Variants in ANKS1B observed in about 807,000 individuals in gnomAD.
ANKS1B encodes ankyrin repeat and sterile alpha motif domain containing 1B, also known as ankyrin repeat and sterile alpha motif domain-containing protein 1B.
ANKS1B carries 36 observed loss-of-function variants against 148.3 expected under a neutral mutation model. That is an observed-to-expected ratio of 0.24 (90% CI 0.19 to 0.32). The LOEUF is 0.32. Ranked by LOEUF, ANKS1B falls within the 10% of genes least tolerant of loss-of-function variation. The probability of loss-of-function intolerance (pLI) is 1.00; values close to 1 mark genes in which losing one functional copy is unlikely to be tolerated. For synonymous variants in ANKS1B, 542 were observed against 560.8 expected, an observed-to-expected ratio of 0.97 and a Z score of 0.47; for missense variants, 1,157 against 1,542.6, an observed-to-expected ratio of 0.75 and a Z score of 4.19.
At chr12:99,087,094 A>C (rs6538897) in intron 15 of ANKS1B, among the ~76,000 whole-genome samples, 100,090 of 152,076 alleles carry the variant, frequency 0.66, 33,210 homozygotes, top group East Asian at 0.89. Flanking sequence ...GGAATACACA[A>C]AAATTCAAGG....
At chr12:99,894,486 G>C (rs1419329673) in intron 1 of ANKS1B, among the ~76,000 whole-genome samples, 1 of 132,070 alleles carries the variant, frequency 7.6e-6, no homozygotes, top group Non-Finnish European at 1.5e-5. Context: ...TCCAGCCTGA[G>C]CAACAGAGCG....
At chr12:99,973,184 CCA>C (rs1180976322) in intron 1 of ANKS1B, among the ~76,000 whole-genome samples, 19 of 152,256 alleles carry the variant, frequency 1.2e-4, no homozygotes, top group African/African-American at 4.3e-4. Flanking sequence ...ATTCTGTAGC[CCA>C]GAGATTGAGG....
At chr12:99,282,503 T>C (rs952216816) in intron 12 of ANKS1B, among the ~76,000 whole-genome samples, 7 of 152,184 alleles carry the variant, frequency 4.6e-5, no homozygotes, top group Admixed American at 4.6e-4. Context: ...CTTGTGCGAA[T>C]AGACTGTAGG....
At chr12:99,429,746 G>A (rs188523580) in intron 11 of ANKS1B, among the ~76,000 whole-genome samples, 132 of 152,246 alleles carry the variant, frequency 8.7e-4, no homozygotes, top group Admixed American at 1.3e-3. Flanking sequence ...GGTGGATCAC[G>A]AGGTCAGGAG....
chr12:99,828,658 A>G (rs2083506021), intron 1 of ANKS1B, among the ~76,000 whole-genome samples: 1 of 152,186 alleles, frequency 6.6e-6, no homozygotes, highest in African/African-American at 2.4e-5. Flanking sequence ...TAATGAATGT[A>G]AGAACAATGA....
At chr12:99,294,130 A>T (rs73381186) in intron 12 of ANKS1B, among the ~76,000 whole-genome samples, 1 of 152,314 alleles carries the variant, frequency 6.6e-6, no homozygotes, top group East Asian at 1.9e-4. Context: ...TTACTAAAAA[A>T]CTACAAATAG....
rs869145338 is a variant in ANKS1B at position 98,948,947 on chromosome 12, CTTTTTTTTTT to C, written c.2778+104200_2778+104209del. 4.7e-5 allele frequency among the ~76,000 whole-genome samples: 4 copies of C among 84,862 alleles called. No individual in the cohort carries two copies. In the South Asian group the frequency reaches 1.9e-3, roughly 40 times the overall value. 55.7% of individuals were successfully genotyped at this position (84,862 alleles called of 152,430 possible). A position where few individuals can be genotyped will look rare whatever the true frequency, so the allele number is the denominator to read the frequency against. On this transcript the variant is annotated intron_variant, in intron 17 of 26. Coordinates refer to ENST00000683438, the MANE Select transcript of ANKS1B (RefSeq NM_001352186.2). ...AGGGGTGAGATATGAGCATGAGCTA[CTTTTTTTTTT>C]TTTTTTTTTTTTTGAGATGGAGTCT... is the stretch of plus-strand genomic sequence containing the variant.
At chr12:99,952,333 G>T (rs1209260602) in intron 1 of ANKS1B, among the ~76,000 whole-genome samples, 2 of 152,034 alleles carry the variant, frequency 1.3e-5, no homozygotes, top group Non-Finnish European at 2.9e-5. Context: ...TGCTGCTGCT[G>T]TTGTTGATGA....
chr12:99,550,623 CAA>C (rs34087621), intron 9 of ANKS1B, among the ~76,000 whole-genome samples: 5 of 134,300 alleles, frequency 3.7e-5, no homozygotes, highest in Non-Finnish European at 6.6e-5. Flanking sequence ...AACTCTATCT[CAA>C]AAAAAAAAAA....
intron 9 of ANKS1B, among the ~76,000 whole-genome samples, chr12:99,569,083 A>G (rs944574953): frequency 6.6e-6 from 1 of 152,228 alleles, no homozygotes; most frequent in African/African-American, 2.4e-5. Context: ...GAGAACATGG[A>G]ACAATCTGTG....
intron 24 of ANKS1B, among the ~76,000 whole-genome samples, chr12:98,777,346 G>T (rs1275064739): frequency 6.6e-6 from 1 of 152,166 alleles, no homozygotes; most frequent in Non-Finnish European, 1.5e-5. Context: ...AAACAACAAT[G>T]AAAGCAAAAA....
At chr12:99,471,790 T>C (rs1355508086) in intron 10 of ANKS1B, among the ~76,000 whole-genome samples, 1 of 152,156 alleles carries the variant, frequency 6.6e-6, no homozygotes, top group Admixed American at 6.6e-5. Flanking sequence ...CTCTGACATG[T>C]AATGCAGGTT....
At chr12:99,677,916 T>TG (rs2098589494) in intron 8 of ANKS1B, among the ~76,000 whole-genome samples, 1 of 152,186 alleles carries the variant, frequency 6.6e-6, no homozygotes, top group Non-Finnish European at 1.5e-5. Flanking sequence ...GCGGTTGCAG[T>TG]GAGCTGAGAC....
At position 99,016,630 on chromosome 12, in the gene ANKS1B, T is replaced by A. The variant is rs7962393; in HGVS notation, c.2778+36527A>T. Among the ~76,000 whole-genome samples, 543 of 152,282 alleles carry A rather than the reference T, an allele frequency of 3.6e-3. 4 individuals carry two copies. The highest frequency in any genetic ancestry group is 0.013 in the African/African-American group (525 of 41,542). On this transcript the variant is annotated intron_variant, in intron 17 of 26. Coordinates refer to ENST00000683438, the MANE Select transcript of ANKS1B (RefSeq NM_001352186.2). ...GAGATCATGCCACTGCACTCCAGCCTGGGTGACAGAGTGAGGCTTTCCCTC... is the reference window on the plus strand; with the variant it reads ...GAGATCATGCCACTGCACTCCAGCCAGGGTGACAGAGTGAGGCTTTCCCTC...
chr12:99,854,790 C>A (rs937033511), intron 1 of ANKS1B, among the ~76,000 whole-genome samples: 2 of 151,952 alleles, frequency 1.3e-5, no homozygotes, highest in African/African-American at 4.8e-5. Flanking sequence ...TTGCATCCAG[C>A]AAAAGTAAGC....
chr12:99,670,703 G>A (rs1435506811), intron 8 of ANKS1B, among the ~76,000 whole-genome samples: 1 of 152,072 alleles, frequency 6.6e-6, no homozygotes, highest in African/African-American at 2.4e-5. Flanking sequence ...AACATAAAGA[G>A]GAAGCAACCA....
intron 9 of ANKS1B, among the ~76,000 whole-genome samples, chr12:99,528,061 TAAA>T (rs1484013880): frequency 6.6e-6 from 1 of 151,764 alleles, no homozygotes; most frequent in African/African-American, 2.4e-5. Flanking sequence ...AGCTCAGAAA[TAAA>T]GCCACATGTC....
intron 9 of ANKS1B, among the ~76,000 whole-genome samples, chr12:99,604,219 G>C (rs1004200047): frequency 2.0e-5 from 3 of 151,990 alleles, no homozygotes; most frequent in African/African-American, 7.2e-5. Context: ...CAAAAATTGT[G>C]AATAATAGCA....
chr12:99,629,464 GTAA>G (rs1316022111), intron 9 of ANKS1B, among the ~76,000 whole-genome samples: 1 of 152,060 alleles, frequency 6.6e-6, no homozygotes, highest in African/African-American at 2.4e-5. Flanking sequence ...ACACTATTGA[GTAA>G]CACTTATTGA....
Sources: allele counts gnomAD v4.1 joint callset (sites outside exome capture counted in the v4.1 genomes callset), GRCh38; gene constraint gnomAD v4.1.1; transcripts MANE v1.5; gene names NCBI Gene and HGNC (gene_info 2026-07-23, HGNC 2026-07-21).